The following NOL10 variants were observed in gnomAD, a reference collection of about 807,000 sequenced individuals.
The protein encoded by NOL10 is nucleolar protein 10.
Under a neutral mutation model 103.5 loss-of-function variants are expected in NOL10, and 58 were observed. The ratio of observed to expected loss-of-function variants is 0.56; its 90% CI spans 0.45 to 0.70. The LOEUF is 0.70. Among genes scored for constraint, NOL10 ranks in the 30% least tolerant of loss-of-function variants. The probability of loss-of-function intolerance (pLI) is 0.00; values close to 1 mark genes in which losing one functional copy is unlikely to be tolerated. For missense variants in NOL10, 763 were observed against 807.3 expected (o/e 0.95, Z 0.67); for synonymous variants, 287 against 282.5 (o/e 1.02, Z -0.16).
At chr2:10,660,506 TG>T (rs1310345994) in intron 9 of NOL10, among the ~76,000 whole-genome samples, 2 of 152,152 alleles carry the variant, frequency 1.3e-5, no homozygotes, top group African/African-American at 4.8e-5. Flanking sequence ...TTTGTAGAGA[TG>T]GGTTTTCACC....
At chr2:10,614,349 T>C (rs991828695) in intron 13 of NOL10, among the ~76,000 whole-genome samples, 1 of 152,162 alleles carries the variant, frequency 6.6e-6, no homozygotes, top group Non-Finnish European at 1.5e-5. Flanking sequence ...GATCTTGCTG[T>C]TGCCCAGGCT....
intron 13 of NOL10, among the ~76,000 whole-genome samples, chr2:10,640,304 G>A (rs569210471): frequency 6.6e-6 from 1 of 152,336 alleles, no homozygotes; most frequent in Admixed American, 6.5e-5. Context: ...TGCTTTGAAG[G>A]AGTTTACAAA....
At position 10,589,610 on chromosome 2, in the gene NOL10, T is replaced by C. The variant is rs1402812693; in HGVS notation, c.1564A>G (p.Arg522Gly). The C allele has an allele frequency of 3.1e-6, 5 of 1,589,952 alleles. No homozygotes were observed. The South Asian group carries it at 4.7e-5, about 15-fold the overall frequency. ...CGAAGTTCTTGTTGCTCTAAGAGTC[T>C]TAGTTTCTTCTTCCTTTTTTCACTA... is the stretch of plus-strand genomic sequence containing the variant. Reference protein sequence around the residue: ...KISEKRKKKLRLLEQQELREK... With the variant: ...KISEKRKKKLGLLEQQELREK... Residue 522 changes from arginine to glycine, a missense_variant, in exon 18 of 21, where the codon AGA becomes GGA. Transcript: ENST00000381685.
chr2:10,668,231 G>A (rs1176327600), intron 7 of NOL10, among the ~76,000 whole-genome samples: 2 of 152,092 alleles, frequency 1.3e-5, no homozygotes, highest in Non-Finnish European at 2.9e-5. Flanking sequence ...TTGCTGCATA[G>A]TACATATGTG....
chr2:10,605,151 G>A (rs752409144), intron 14 of NOL10, among the ~76,000 whole-genome samples: 33 of 152,204 alleles, frequency 2.2e-4, no homozygotes, highest in Non-Finnish European at 3.8e-4. Context: ...CAGATATTAA[G>A]TGAGAAAGGT....
chr2:10,681,808 T>C (rs1190479740), intron 3 of NOL10, among the ~76,000 whole-genome samples, 163 bp downstream of exon 3: 5 of 152,194 alleles, frequency 3.3e-5, no homozygotes, highest in Non-Finnish European at 7.3e-5. Flanking sequence ...TTGCAGAATT[T>C]AGGTAGTAGT....
chr2:10,592,080 G>C (rs896203071), intron 17 of NOL10, among the ~76,000 whole-genome samples: 2 of 152,186 alleles, frequency 1.3e-5, no homozygotes, highest in Admixed American at 1.3e-4. Flanking sequence ...CTGACGGACT[G>C]CTGAGTAAGA....
chr2:10,590,595 C>T (rs1675344408), intron 17 of NOL10, among the ~76,000 whole-genome samples: 1 of 152,118 alleles, frequency 6.6e-6, no homozygotes, highest in South Asian at 2.1e-4. Flanking sequence ...CCATCCCCTA[C>T]AGGGTTGTTT....
intron 15 of NOL10, 40 bp from the exon 16 acceptor site, chr2:10,602,914 T>C (rs779230106): frequency 2.1e-6 from 3 of 1,413,630 alleles, no homozygotes; most frequent in South Asian, 2.4e-5. Flanking sequence ...AAAAGAATGG[T>C]ATTTGGTAAT....
intron 13 of NOL10, among the ~76,000 whole-genome samples, chr2:10,630,390 G>T (rs535224484): frequency 1.4e-4 from 21 of 152,274 alleles, no homozygotes; most frequent in African/African-American, 5.1e-4. Context: ...TTTAGATCCA[G>T]CTGTCACCAA....
Position 10,657,894 on chromosome 2 carries a change from GA to G in NOL10, c.757-4del. 15 of 1,500,896 alleles carry G rather than the reference GA, an allele frequency of 1.0e-5. No homozygotes were observed. Among genetic ancestry groups the G allele is most frequent in the East Asian group, 5.0e-5 (2 of 40,070 alleles). 93.0% of individuals were successfully genotyped at this position (1,500,896 alleles called of 1,614,324 possible). ...GATCGAAGGTCATATAATAAAACCT[GA>G]AAAAAAATTATTTCTGTTTAAACAA... On this transcript the variant is annotated splice_region_variant and splice_polypyrimidine_tract_variant and intron_variant, in intron 10 of 20. Coordinates refer to ENST00000381685, the MANE Select transcript of NOL10 (RefSeq NM_024894.4).
intron 11 of NOL10, among the ~76,000 whole-genome samples, chr2:10,657,314 C>CA (rs555233664): frequency 0.062 from 8,704 of 139,758 alleles, 484 homozygotes; most frequent in African/African-American, 0.15. Context: ...CAAACTCTCT[C>CA]AAAAAAAAAA....
chr2:10,575,209 T>G (rs1041134841), intron 20 of NOL10, among the ~76,000 whole-genome samples: 1 of 152,228 alleles, frequency 6.6e-6, no homozygotes, highest in Admixed American at 6.5e-5. Flanking sequence ...AAAATTAGAT[T>G]TGTGACTGAA....
intron 14 of NOL10, chr2:10,604,705 G>T (rs1288303373): frequency 2.0e-5 from 3 of 152,084 alleles, no homozygotes; most frequent in African/African-American, 7.3e-5. Context: ...TCCAAGTCAG[G>T]TCATAAATAA....
At position 10,607,092 on chromosome 2, in the gene NOL10, T is replaced by C. The variant is rs143278109; in HGVS notation, c.1153+93A>G. 1.4e-4 allele frequency: 109 copies of C among 772,348 alleles called. 1 individual carries two copies. In the African/African-American group the frequency reaches 1.7e-3, roughly 12 times the overall value. 47.8% of individuals were successfully genotyped at this position (772,348 alleles called of 1,614,324 possible). On this transcript the variant is annotated intron_variant, in intron 14 of 20. Coordinates refer to ENST00000381685, the MANE Select transcript of NOL10 (RefSeq NM_024894.4). ...GAAAGGGAAGATTTAGGAGATGAGG[T>C]AAACATGGCTCAGCCAATTCTCATG...
At chr2:10,647,583 G>A (rs1270973924) in intron 12 of NOL10, among the ~76,000 whole-genome samples, 3 of 152,184 alleles carry the variant, frequency 2.0e-5, no homozygotes, top group Non-Finnish European at 2.9e-5. Context: ...GAAGTGCTGC[G>A]CAAAAACATA....
intron 13 of NOL10, among the ~76,000 whole-genome samples, chr2:10,632,128 C>T (rs1262159904): frequency 6.6e-6 from 1 of 152,202 alleles, no homozygotes; most frequent in Non-Finnish European, 1.5e-5. Flanking sequence ...AATCAGGTCA[C>T]TCTCACTTGT....
At chr2:10,654,424 C>A in intron 12 of NOL10, 57 bp downstream of exon 12, 1 of 1,166,396 alleles carries the variant, frequency 8.6e-7, no homozygotes, top group South Asian at 1.4e-5. Flanking sequence ...ACTGAACGTT[C>A]ACTACAGAAT....
At chr2:10,649,778 G>A (rs1342734715) in intron 12 of NOL10, among the ~76,000 whole-genome samples, 1 of 152,148 alleles carries the variant, frequency 6.6e-6, no homozygotes, top group Non-Finnish European at 1.5e-5. Flanking sequence ...ACTCACCTCT[G>A]CCACAGTGCT....
Sources: allele counts gnomAD v4.1 joint callset (sites outside exome capture counted in the v4.1 genomes callset), GRCh38; gene constraint gnomAD v4.1.1; transcripts MANE v1.5; gene names NCBI Gene and HGNC (gene_info 2026-07-23, HGNC 2026-07-21).